Variants in SLX4IP observed in about 807,000 individuals in gnomAD.
SLX4IP encodes SLX4 interacting protein.
In SLX4IP, 34 loss-of-function variants were observed where a neutral mutation model predicts 32.9. That is an observed-to-expected ratio of 1.03 (90% CI 0.79 to 1.38). The LOEUF is 1.38. SLX4IP is among the 40% of genes most tolerant of loss of function. The probability of loss-of-function intolerance (pLI) is 0.00; values close to 1 mark genes in which losing one functional copy is unlikely to be tolerated. For missense variants in SLX4IP, 444 were observed against 479.0 expected, an observed-to-expected ratio of 0.93 and a Z score of 0.68; for synonymous variants, 172 against 171.7, an observed-to-expected ratio of 1.00 and a Z score of -0.01.
intron 1 of SLX4IP, among the ~76,000 whole-genome samples, chr20:10,450,491 C>G (rs1164454160): frequency 1.3e-5 from 2 of 152,112 alleles, no homozygotes; most frequent in African/African-American, 4.8e-5. Flanking sequence ...CTTACACTTG[C>G]GTCTAAATGG....
intron 1 of SLX4IP, among the ~76,000 whole-genome samples, chr20:10,438,818 TGG>T (rs1447550964): frequency 6.6e-6 from 1 of 151,992 alleles, no homozygotes; most frequent in Non-Finnish European, 1.5e-5. Flanking sequence ...ATGTGCTTTT[TGG>T]GGGGTACGGG....
At chr20:10,455,877 C>G (rs2065281179) in intron 1 of SLX4IP, among the ~76,000 whole-genome samples, 1 of 152,120 alleles carries the variant, frequency 6.6e-6, no homozygotes, top group Admixed American at 6.5e-5. Flanking sequence ...TCCCAAAGTG[C>G]TGGGATTACA....
intron 4 of SLX4IP, among the ~76,000 whole-genome samples, chr20:10,581,262 G>A (rs1035220643): frequency 6.6e-6 from 1 of 152,052 alleles, no homozygotes; most frequent in African/African-American, 2.4e-5. Context: ...TGTGGGCAGG[G>A]CTGATGTTGA....
chr20:10,582,391 C>G (rs1377111420), intron 4 of SLX4IP, among the ~76,000 whole-genome samples: 1 of 151,842 alleles, frequency 6.6e-6, no homozygotes, highest in Admixed American at 6.6e-5. Flanking sequence ...TTTTTAAAAC[C>G]TGCATTCTGT....
chr20:10,558,303 C>T (rs2122499153), intron 3 of SLX4IP, among the ~76,000 whole-genome samples: 1 of 140,884 alleles, frequency 7.1e-6, no homozygotes, highest in Admixed American at 7.5e-5. Flanking sequence ...GATCATGCCA[C>T]TGAACTCCAC....
intron 2 of SLX4IP, among the ~76,000 whole-genome samples, chr20:10,523,254 G>A (rs1057201807): frequency 6.6e-6 from 1 of 152,146 alleles, no homozygotes; most frequent in East Asian, 1.9e-4. Flanking sequence ...AGAGAGACAG[G>A]CTTATAGCTT....
At chr20:10,435,532 T>C (rs1240732082) in intron 1 of SLX4IP, 79 bp downstream of exon 1, 1 of 152,248 alleles carries the variant, frequency 6.6e-6, no homozygotes, top group African/African-American at 2.4e-5. Context: ...CCCTCCTGGT[T>C]TTTGGCTTTG....
At chr20:10,548,387 C>A (rs1023322394) in intron 2 of SLX4IP, among the ~76,000 whole-genome samples, 1 of 152,106 alleles carries the variant, frequency 6.6e-6, no homozygotes, top group African/African-American at 2.4e-5. Context: ...TACAGGCGCC[C>A]GCCACCACGC....
chr20:10,589,247 T>C (rs2066679356), intron 4 of SLX4IP, among the ~76,000 whole-genome samples: 1 of 152,148 alleles, frequency 6.6e-6, no homozygotes, highest in Non-Finnish European at 1.5e-5. Context: ...TAAAAATAAT[T>C]AGGAGATTTA....
intron 1 of SLX4IP, among the ~76,000 whole-genome samples, chr20:10,452,678 A>ATATATATATATATATATATATATAT (rs1365793671): frequency 4.1e-5 from 4 of 97,776 alleles, no homozygotes; most frequent in African/African-American, 7.2e-5. Context: ...AAAAAAAAAA[A>ATATATATATATATATATATATATAT]AAATATATAT....
chr20:10,529,803 C>CAT (rs1181199633), intron 2 of SLX4IP, among the ~76,000 whole-genome samples: 1 of 152,006 alleles, frequency 6.6e-6, no homozygotes, highest in Admixed American at 6.6e-5. Context: ...CCAAAATGAA[C>CAT]AGAGTTCTCA....
At chr20:10,541,984 A>G (rs2066112657) in intron 2 of SLX4IP, among the ~76,000 whole-genome samples, 1 of 152,196 alleles carries the variant, frequency 6.6e-6, no homozygotes, top group Admixed American at 6.5e-5. Context: ...AAGTACTCAG[A>G]TTTTTGGGGT....
chr20:10,601,191 G>A (rs2066837540), intron 5 of SLX4IP, among the ~76,000 whole-genome samples: 1 of 151,916 alleles, frequency 6.6e-6, no homozygotes, highest in Admixed American at 6.6e-5. Flanking sequence ...TTAATAGTTG[G>A]ATCATTAATT....
At chr20:10,476,642 G>A (rs768540841) in intron 2 of SLX4IP, among the ~76,000 whole-genome samples, 6 of 152,110 alleles carry the variant, frequency 3.9e-5, no homozygotes, top group South Asian at 2.1e-4. Context: ...GATCTGCTGC[G>A]CCCTCCTTGG....
At chr20:10,615,674 C>T (rs1284617759) in intron 6 of SLX4IP, among the ~76,000 whole-genome samples, 1 of 152,190 alleles carries the variant, frequency 6.6e-6, no homozygotes, top group Non-Finnish European at 1.5e-5. Flanking sequence ...TGCTATAACA[C>T]AATACCCAAG....
At chr20:10,614,674 T>C (rs2067006134) in intron 6 of SLX4IP, among the ~76,000 whole-genome samples, 2 of 152,254 alleles carry the variant, frequency 1.3e-5, no homozygotes, top group Admixed American at 1.3e-4. Context: ...TACCATCCCA[T>C]GTTGTGTGTC....
intron 2 of SLX4IP, among the ~76,000 whole-genome samples, chr20:10,467,941 A>T (rs1197781998): frequency 1.3e-5 from 2 of 152,096 alleles, no homozygotes; most frequent in African/African-American, 4.8e-5. Context: ...TCCTCATGTG[A>T]TAATAGATAA....
intron 6 of SLX4IP, among the ~76,000 whole-genome samples, chr20:10,602,681 T>C (rs1221542921): frequency 2.6e-5 from 4 of 152,332 alleles, no homozygotes; most frequent in African/African-American, 9.6e-5. Context: ...GACATGATTA[T>C]TATGCTTCTA....
At chr20:10,501,833 T>C (rs1274609448) in intron 2 of SLX4IP, among the ~76,000 whole-genome samples, 1 of 152,248 alleles carries the variant, frequency 6.6e-6, no homozygotes, top group African/African-American at 2.4e-5. Context: ...CAGACAACTT[T>C]TTAAAAAAAA....
Sources: gnomAD v4.1 joint callset for allele counts (sites outside exome capture counted in the v4.1 genomes callset) on GRCh38, gnomAD v4.1.1 for gene constraint, MANE v1.5 for transcripts, NCBI Gene and HGNC (gene_info 2026-07-23, HGNC 2026-07-21) for gene names.